GALNT17: variants seen among roughly 807,000 people sequenced by gnomAD.
GALNT17 encodes the protein polypeptide N-acetylgalactosaminyltransferase 17.
GALNT17 carries 29 observed loss-of-function variants against 63.7 expected under a neutral mutation model. That is an observed-to-expected ratio of 0.46 (90% confidence interval 0.34 to 0.62). The LOEUF (loss-of-function observed/expected upper bound fraction) is 0.62. Among genes scored for constraint, GALNT17 ranks in the 20% least tolerant of loss-of-function variants. The pLI, the probability that GALNT17 is intolerant of heterozygous loss-of-function variation, is 0.01. For missense variants in GALNT17, 603 were observed against 799.6 expected, an observed-to-expected ratio of 0.75 and a Z score of 2.97; for synonymous variants, 305 against 318.3, an observed-to-expected ratio of 0.96 and a Z score of 0.45.
At chr7:71,343,295 A>G (rs76993008) in intron 2 of GALNT17, among the ~76,000 whole-genome samples, 4,559 of 152,312 alleles carry the variant, frequency 0.03, 106 homozygotes, top group East Asian at 0.11. Flanking sequence ...AGCCCCAGAC[A>G]GCTCTCACAA....
intron 3 of GALNT17, among the ~76,000 whole-genome samples, 159 bp from the exon 4 acceptor site, chr7:71,415,730 C>T (rs1005866918): frequency 3.3e-5 from 5 of 152,188 alleles, no homozygotes; most frequent in Admixed American, 2.6e-4. Context: ...TGTCTTCTGA[C>T]TCCTAGACTG....
At chr7:71,452,914 T>C (rs375201834) in intron 5 of GALNT17, among the ~76,000 whole-genome samples, 1 of 152,198 alleles carries the variant, frequency 6.6e-6, no homozygotes, top group African/African-American at 2.4e-5. Flanking sequence ...TCTCAATTTT[T>C]CTCCATCTGC....
At chr7:71,457,989 T>A (rs1398611742) in intron 5 of GALNT17, among the ~76,000 whole-genome samples, 1 of 152,090 alleles carries the variant, frequency 6.6e-6, no homozygotes, top group Non-Finnish European at 1.5e-5. Context: ...CTGCCCACCC[T>A]TCCTTTCCTC....
intron 2 of GALNT17, among the ~76,000 whole-genome samples, chr7:71,372,007 G>A (rs927503716): frequency 6.6e-6 from 1 of 152,152 alleles, no homozygotes; most frequent in Admixed American, 6.5e-5. Flanking sequence ...GTGTGACAGG[G>A]TCTCACTCTG....
chr7:71,426,661 C>T (rs1253311613), intron 5 of GALNT17, among the ~76,000 whole-genome samples: 1 of 152,124 alleles, frequency 6.6e-6, no homozygotes, highest in African/African-American at 2.4e-5. Flanking sequence ...TGGCTCACAC[C>T]TTTAATCCCA....
chr7:71,600,200 C>G (rs1302427946), intron 6 of GALNT17, among the ~76,000 whole-genome samples: 1 of 146,182 alleles, frequency 6.8e-6, no homozygotes, highest in Non-Finnish European at 1.5e-5. Context: ...AGATGTACAG[C>G]AGATCCATGG....
intron 1 of GALNT17, among the ~76,000 whole-genome samples, chr7:71,157,809 A>G (rs1286974848): frequency 6.6e-6 from 1 of 151,282 alleles, no homozygotes; most frequent in African/African-American, 2.4e-5. Flanking sequence ...CCTGGTAATC[A>G]CTAGTCTACT....
chr7:71,420,730 G>T (rs1435360858), intron 4 of GALNT17, among the ~76,000 whole-genome samples, 178 bp from the exon 5 acceptor site: 3 of 152,188 alleles, frequency 2.0e-5, no homozygotes, highest in Admixed American at 6.5e-5. Context: ...TCACAGCCCA[G>T]GAGTGAAGCT....
chr7:71,404,126 T>C (rs931081955), intron 3 of GALNT17, among the ~76,000 whole-genome samples: 1 of 152,156 alleles, frequency 6.6e-6, no homozygotes, highest in Non-Finnish European at 1.5e-5. Flanking sequence ...CGTACTATGA[T>C]GTTTCCTTGT....
chr7:71,480,784 G>A (rs28676380), intron 5 of GALNT17, among the ~76,000 whole-genome samples: 6,353 of 152,286 alleles, frequency 0.042, 243 homozygotes, highest in African/African-American at 0.1. Flanking sequence ...TGGGATTACA[G>A]GCATGAGCCA....
At chr7:71,232,470 C>A (rs1367551521) in intron 1 of GALNT17, among the ~76,000 whole-genome samples, 1 of 151,860 alleles carries the variant, frequency 6.6e-6, no homozygotes, top group Non-Finnish European at 1.5e-5. Flanking sequence ...AGATATAGGG[C>A]ATAGGAAAGC....
chr7:71,350,091 C>A (rs1792164344), intron 2 of GALNT17, among the ~76,000 whole-genome samples: 1 of 151,968 alleles, frequency 6.6e-6, no homozygotes, highest in Non-Finnish European at 1.5e-5. Flanking sequence ...TGTGTAAGGA[C>A]AAATTGTGGC....
intron 5 of GALNT17, among the ~76,000 whole-genome samples, chr7:71,566,245 G>C (rs1200064047): frequency 6.6e-6 from 1 of 152,100 alleles, no homozygotes; most frequent in East Asian, 1.9e-4. Flanking sequence ...TGACCTCTGG[G>C]AAACAACTTT....
At chr7:71,420,387 T>TCA (rs141166051) in intron 4 of GALNT17, among the ~76,000 whole-genome samples, 7,636 of 151,420 alleles carry the variant, frequency 0.05, 659 homozygotes, top group African/African-American at 0.18. Flanking sequence ...ACTGAAATAA[T>TCA]CACACACACA....
intron 1 of GALNT17, among the ~76,000 whole-genome samples, chr7:71,298,804 T>C (rs1791133530): frequency 6.6e-6 from 1 of 152,044 alleles, no homozygotes; most frequent in Non-Finnish European, 1.5e-5. Context: ...AAATTCATTT[T>C]GGATGTGAGG....
chr7:71,227,414 A>G (rs7786009), intron 1 of GALNT17, among the ~76,000 whole-genome samples: 14,556 of 151,782 alleles, frequency 0.096, 1,072 homozygotes, highest in East Asian at 0.22. Flanking sequence ...CCAGAGGTTG[A>G]GATGTGCTGG....
At chr7:71,560,213 AAAAG>A (rs1562691120) in intron 5 of GALNT17, among the ~76,000 whole-genome samples, 6 of 149,742 alleles carry the variant, frequency 4.0e-5, no homozygotes, top group Non-Finnish European at 7.4e-5. Context: ...AAAAAAAAAA[AAAAG>A]AAAGAATCAC....
At chr7:71,544,873 G>A (rs1454303609) in intron 5 of GALNT17, among the ~76,000 whole-genome samples, 2 of 146,708 alleles carry the variant, frequency 1.4e-5, no homozygotes, top group Admixed American at 6.9e-5. Flanking sequence ...TCATCTGTAA[G>A]ATAAGTAATT....
Position 71,473,046 on chromosome 7 carries a change from C to T in GALNT17, c.962+51941C>T, listed in dbSNP as rs550233483. Among the ~76,000 whole-genome samples, 292 of 152,270 alleles carry T rather than the reference C, an allele frequency of 1.9e-3. 1 individual carries two copies. Among genetic ancestry groups the T allele is most frequent in the South Asian group, 3.7e-3 (18 of 4,814 alleles). On this transcript the variant is annotated intron_variant, in intron 5 of 10. Transcript: ENST00000333538. ...AGTACATGGAAAGTATACATTGGCT[C>T]AGCGTAAAGAGGCAGGATATCTTGA...
Sources: allele counts gnomAD v4.1 joint callset (sites outside exome capture counted in the v4.1 genomes callset), GRCh38; gene constraint gnomAD v4.1.1; transcripts MANE v1.5; gene names NCBI Gene and HGNC (gene_info 2026-07-23, HGNC 2026-07-21).